Variants in LEKR1 observed in about 807,000 individuals in gnomAD.
LEKR1 encodes protein LEKR1.
In LEKR1, 59 loss-of-function variants were observed where a neutral mutation model predicts 72.4. The ratio of observed to expected loss-of-function variants is 0.82; its 90% CI spans 0.66 to 1.01. LEKR1 has a LOEUF of 1.01. Among genes scored for constraint, LEKR1 ranks in the 50% least tolerant of loss-of-function variants. LEKR1 has a pLI of 0.00. For synonymous variants in LEKR1, 257 were observed against 263.2 expected, an observed-to-expected ratio of 0.98 and a Z score of 0.23; for missense variants, 728 against 759.2, an observed-to-expected ratio of 0.96 and a Z score of 0.48.
At chr3:156,842,295 G>T (rs1714022572) in intron 2 of LEKR1, among the ~76,000 whole-genome samples, 1 of 151,716 alleles carries the variant, frequency 6.6e-6, no homozygotes, top group Non-Finnish European at 1.5e-5. Context: ...CTCTATTGAA[G>T]AAAAAAGGAC....
chr3:157,008,978 G>A (rs971462199), intron 9 of LEKR1, among the ~76,000 whole-genome samples: 1 of 151,952 alleles, frequency 6.6e-6, no homozygotes, highest in African/African-American at 2.4e-5. Context: ...TGTTCAGTTC[G>A]AAGTATTTTC....
At chr3:156,861,464 C>A (rs1716754194) in intron 3 of LEKR1, among the ~76,000 whole-genome samples, 1 of 152,108 alleles carries the variant, frequency 6.6e-6, no homozygotes, top group Admixed American at 6.6e-5. Context: ...TCCTAGGGAA[C>A]TATTTTCAAT....
intron 6 of LEKR1, 28 bp downstream of exon 6, chr3:156,942,742 G>A (rs764543619): frequency 9.5e-7 from 1 of 1,056,096 alleles, no homozygotes; most frequent in Non-Finnish European, 1.2e-6. Flanking sequence ...GCTGTTTTTG[G>A]TGACTAGTTA....
chr3:156,920,556 T>G lies in LEKR1; in HGVS notation c.264-19T>G. The G allele has an allele frequency of 7.1e-7, 1 of 1,407,768 alleles. No homozygotes were observed. Among genetic ancestry groups the G allele is most frequent in the Non-Finnish European group, 9.6e-7 (1 of 1,045,350 alleles). The allele number at this position is 1,407,768 out of a possible 1,614,324, so 87.2% of individuals were successfully genotyped here. On this transcript the variant is annotated intron_variant, in intron 3 of 12. Coordinates refer to ENST00000356539, the MANE Select transcript of LEKR1 (RefSeq NM_001004316.3). ...TACATATGAGAGAATACTTAAGGAA[T>G]GTTTGTTTATATTTTTAGAATTTAC...
chr3:156,857,706 GTAACAC>G (rs1295562419), intron 3 of LEKR1, among the ~76,000 whole-genome samples: 1 of 152,136 alleles, frequency 6.6e-6, no homozygotes. Flanking sequence ...TTTTGTTTCT[GTAACAC>G]TAACAAAATT....
intron 2 of LEKR1, among the ~76,000 whole-genome samples, chr3:156,829,996 A>G (rs1259744009): frequency 6.6e-6 from 1 of 152,222 alleles, no homozygotes; most frequent in Non-Finnish European, 1.5e-5. Flanking sequence ...AATATGCACA[A>G]ATCTATTATA....
At chr3:156,949,011 T>G (rs1726920689) in intron 6 of LEKR1, among the ~76,000 whole-genome samples, 1 of 151,466 alleles carries the variant, frequency 6.6e-6, no homozygotes, top group Admixed American at 6.6e-5. Context: ...ATGGGCTTGT[T>G]TGGGTTTTTT....
chr3:156,833,629 C>T (rs1016455319), intron 2 of LEKR1, among the ~76,000 whole-genome samples: 2 of 152,110 alleles, frequency 1.3e-5, no homozygotes, highest in Admixed American at 6.5e-5. Context: ...TCTATGATGT[C>T]AACATGCCAA....
intron 3 of LEKR1, among the ~76,000 whole-genome samples, chr3:156,895,687 AATT>A (rs1259366974): frequency 1.3e-5 from 2 of 152,120 alleles, no homozygotes; most frequent in African/African-American, 4.8e-5. Flanking sequence ...TCAGAATGGC[AATT>A]ATTATAAAGT....
intron 6 of LEKR1, among the ~76,000 whole-genome samples, chr3:156,956,711 T>A (rs1165880702): frequency 1.3e-5 from 2 of 151,992 alleles, no homozygotes; most frequent in African/African-American, 4.8e-5. Context: ...AAGGTAGAAT[T>A]TTTTAGTTCA....
At chr3:157,040,307 C>T (rs1006705439) in intron 12 of LEKR1, among the ~76,000 whole-genome samples, 1 of 152,180 alleles carries the variant, frequency 6.6e-6, no homozygotes, top group Non-Finnish European at 1.5e-5. Context: ...GAAAATCTGC[C>T]TCTGAAGCAT....
intron 3 of LEKR1, among the ~76,000 whole-genome samples, chr3:156,871,858 G>A (rs1015363507): frequency 6.6e-6 from 1 of 151,890 alleles, no homozygotes; most frequent in Non-Finnish European, 1.5e-5. Context: ...GAGAATTTTT[G>A]CATTTATGTT....
intron 2 of LEKR1, among the ~76,000 whole-genome samples, chr3:156,835,792 C>T (rs565538378): frequency 8.3e-4 from 126 of 151,176 alleles, no homozygotes; most frequent in Middle Eastern, 3.4e-3. Flanking sequence ...GCGATTCCTT[C>T]CTCCCTTCCT....
chr3:156,913,443 G>A (rs1723302051), intron 3 of LEKR1, among the ~76,000 whole-genome samples: 1 of 152,034 alleles, frequency 6.6e-6, no homozygotes, highest in Non-Finnish European at 1.5e-5. Context: ...TATTATTACT[G>A]TATAGAAATG....
At chr3:156,936,658 T>A (rs916853545) in intron 5 of LEKR1, among the ~76,000 whole-genome samples, 1 of 152,090 alleles carries the variant, frequency 6.6e-6, no homozygotes, top group Admixed American at 6.6e-5. Flanking sequence ...TTTTAAAAAA[T>A]CTACATAATT....
At chr3:156,988,884 T>G (rs1294775625) in intron 7 of LEKR1, among the ~76,000 whole-genome samples, 2 of 152,112 alleles carry the variant, frequency 1.3e-5, no homozygotes, top group African/African-American at 4.8e-5. Context: ...CAGGCTGGAG[T>G]GCAATGGTGC....
At chr3:156,990,444 T>A (rs1364952232) in intron 7 of LEKR1, among the ~76,000 whole-genome samples, 2 of 152,202 alleles carry the variant, frequency 1.3e-5, no homozygotes, top group African/African-American at 4.8e-5. Context: ...AATATACTGC[T>A]TTTCACCAAA....
chr3:156,989,720 C>T (rs1730995627), intron 7 of LEKR1, among the ~76,000 whole-genome samples: 1 of 152,058 alleles, frequency 6.6e-6, no homozygotes, highest in South Asian at 2.1e-4. Flanking sequence ...CCCAGATAGT[C>T]TTTACCCATT....
At chr3:157,036,676 G>C (rs918691016) in intron 12 of LEKR1, among the ~76,000 whole-genome samples, 1 of 152,168 alleles carries the variant, frequency 6.6e-6, no homozygotes, top group Non-Finnish European at 1.5e-5. Flanking sequence ...GGAATCCCAG[G>C]ATAATGGTGG....
Sources: gnomAD v4.1 joint callset for allele counts (sites outside exome capture counted in the v4.1 genomes callset) on GRCh38, gnomAD v4.1.1 for gene constraint, MANE v1.5 for transcripts, NCBI Gene and HGNC (gene_info 2026-07-23, HGNC 2026-07-21) for gene names.